The following PCDHGA3 variants were observed in gnomAD, a reference collection of about 807,000 sequenced individuals.
PCDHGA3 encodes protocadherin gamma-A3.
A neutral mutation model predicts 58.5 loss-of-function variants in PCDHGA3; 40 were observed. That is an observed-to-expected ratio of 0.68 (90% CI 0.53 to 0.89). The LOEUF (loss-of-function observed/expected upper bound fraction) is 0.89, where lower values mean the gene tolerates loss of function less well. Among genes scored for constraint, PCDHGA3 ranks in the 40% least tolerant of loss-of-function variants. The pLI is 0.00. For synonymous variants in PCDHGA3, 530 were observed against 525.7 expected (o/e 1.01, Z -0.11); for missense variants, 1,223 against 1,195.9 (o/e 1.02, Z -0.33).
chr5:141,361,244 A>C, intron 1 of PCDHGA3: 1 of 1,613,994 alleles, frequency 6.2e-7, no homozygotes, highest in Non-Finnish European at 8.5e-7. Flanking sequence ...GCCTTGATAA[A>C]AACGAGAGAC....
rs370966840 is a variant in PCDHGA3 at position 141,360,786 on chromosome 5, C to T, written c.2424+14329C>T. ...AATTGGTCCTCACAGCTGTGGATGG[C>T]GGAGACCCACCTCAAAGTGGCACGA... On this transcript the variant is annotated intron_variant, in intron 1 of 3. Coordinates refer to ENST00000253812, the MANE Select transcript of PCDHGA3 (RefSeq NM_018916.4). The T allele has an allele frequency of 1.7e-3, 2,804 of 1,612,498 alleles. 7 individuals carry two copies. The highest frequency in any genetic ancestry group is 2.1e-3 in the Non-Finnish European group (2,428 of 1,179,770).
chr5:141,365,800 C>A, intron 1 of PCDHGA3: 1 of 1,613,914 alleles, frequency 6.2e-7, no homozygotes, highest in Middle Eastern at 1.6e-4. Flanking sequence ...TCACCTACTC[C>A]CTGGCTGAAG....
At chr5:141,483,555 C>CAG (rs1415499107) in intron 1 of PCDHGA3, among the ~76,000 whole-genome samples, 2 of 152,152 alleles carry the variant, frequency 1.3e-5, no homozygotes, top group African/African-American at 4.8e-5. Flanking sequence ...GTGCCATTCA[C>CAG]AGAGACAGTG....
At chr5:141,376,652 C>T (rs1030026607) in intron 1 of PCDHGA3, 3 of 877,708 alleles carry the variant, frequency 3.4e-6, no homozygotes, top group East Asian at 2.7e-5. Context: ...AAGTGGAAGA[C>T]TCCCTTGTTC....
At chr5:141,363,378 T>C (rs1334101869) in intron 1 of PCDHGA3, among the ~76,000 whole-genome samples, 2 of 152,250 alleles carry the variant, frequency 1.3e-5, no homozygotes, top group Admixed American at 6.5e-5. Context: ...AAGAGGTTTT[T>C]CTATTTCTGT....
intron 1 of PCDHGA3, chr5:141,393,601 C>T (rs1392489335): frequency 8.1e-6 from 13 of 1,613,812 alleles, no homozygotes; most frequent in Non-Finnish European, 1.1e-5. Flanking sequence ...CGGCTGCTTA[C>T]TGTAACAGCC....
chr5:141,379,889 CTTTTTTTTTTTTTTTT>C (rs70988800), intron 1 of PCDHGA3, among the ~76,000 whole-genome samples: 915 of 50,904 alleles, frequency 0.018, 31 homozygotes, highest in African/African-American at 0.056. Context: ...GTGAAAGCCT[CTTTTTTTTTTTTTTTT>C]TTTTTTTTTT....
At chr5:141,426,882 C>A (rs528411309) in intron 1 of PCDHGA3, 1 of 456,664 alleles carries the variant, frequency 2.2e-6, no homozygotes, top group African/African-American at 2.0e-5. Context: ...GCCCCTGGGC[C>A]AGGAGCAACA....
intron 1 of PCDHGA3, among the ~76,000 whole-genome samples, chr5:141,449,848 T>C (rs7713034): frequency 0.29 from 44,283 of 151,474 alleles, 7,514 homozygotes; most frequent in African/African-American, 0.48. Flanking sequence ...AATTAAATTT[T>C]AATAATAAAA....
intron 1 of PCDHGA3, chr5:141,389,801 C>T: frequency 6.2e-7 from 1 of 1,613,766 alleles, no homozygotes; most frequent in South Asian, 1.1e-5. Context: ...TCCGCCAGCG[C>T]CTTCTGGTCG....
intron 1 of PCDHGA3, chr5:141,392,356 G>A (rs970397239): frequency 6.6e-6 from 1 of 152,614 alleles, no homozygotes; most frequent in Admixed American, 6.5e-5. Flanking sequence ...TTAATCCGAT[G>A]CTACAATCTG....
intron 1 of PCDHGA3, chr5:141,423,195 G>A: frequency 1.2e-6 from 2 of 1,613,544 alleles, no homozygotes; most frequent in Non-Finnish European, 8.5e-7. Flanking sequence ...CCCCTCTCTC[G>A]GCCACCGTCA....
rs761853399 is a variant in PCDHGA3, at chr5:141,389,296, A to G, written c.2424+42839A>G. On this transcript the variant is annotated intron_variant, in intron 1 of 3. Transcript: ENST00000253812. ...AACCCGCCTGGAGCCTCTATTTCAC[A>G]AGTCAGGGCTTCTGATCCGGACTTG... is the stretch of plus-strand genomic sequence containing the variant. The G allele has an allele frequency of 3.7e-6, 6 of 1,613,988 alleles. No individual in the cohort carries two copies. The South Asian group carries it at 6.6e-5, about 18-fold the overall frequency.
chr5:141,388,742 G>A (rs1340234849), intron 1 of PCDHGA3: 12 of 1,614,004 alleles, frequency 7.4e-6, no homozygotes, highest in Non-Finnish European at 1.0e-5. Flanking sequence ...AAGCTAGCCA[G>A]ATCACCCAAT....
At chr5:141,501,013 C>T (rs1456343329) in intron 2 of PCDHGA3, among the ~76,000 whole-genome samples, 2 of 151,970 alleles carry the variant, frequency 1.3e-5, no homozygotes, top group Non-Finnish European at 2.9e-5. Context: ...GGACTACAGG[C>T]ACGCGCCACC....
chr5:141,501,141 A>G (rs940603527), intron 2 of PCDHGA3, among the ~76,000 whole-genome samples: 8 of 152,184 alleles, frequency 5.3e-5, no homozygotes, highest in Admixed American at 5.2e-4. Context: ...TGCTGGGATT[A>G]CAGGTGGGAG....
At chr5:141,373,416 G>A (rs1162363989) in intron 1 of PCDHGA3, among the ~76,000 whole-genome samples, 3 of 152,182 alleles carry the variant, frequency 2.0e-5, no homozygotes, top group Non-Finnish European at 4.4e-5. Context: ...CCAGCTACTC[G>A]GGAGGCTGAG....
intron 1 of PCDHGA3, among the ~76,000 whole-genome samples, chr5:141,353,385 A>T: frequency 6.6e-6 from 1 of 152,332 alleles, no homozygotes; most frequent in Middle Eastern, 3.4e-3. Context: ...TATTAATGTA[A>T]TTATGTAATT....
At chr5:141,350,700 T>C in intron 1 of PCDHGA3, 1 of 1,613,850 alleles carries the variant, frequency 6.2e-7, no homozygotes, top group African/African-American at 1.3e-5. Context: ...TTACCCGGGG[T>C]AAAATTCTCT....
Sources: gnomAD v4.1 joint callset for allele counts (sites outside exome capture counted in the v4.1 genomes callset) on GRCh38, gnomAD v4.1.1 for gene constraint, MANE v1.5 for transcripts, NCBI Gene and HGNC (gene_info 2026-07-23, HGNC 2026-07-21) for gene names.